HIBCH: variants seen among roughly 807,000 people sequenced by gnomAD.
HIBCH encodes the protein 3-hydroxyisobutyryl-CoA hydrolase, also known as 3-hydroxyisobutyryl-CoA hydrolase, mitochondrial.
HIBCH carries 50 observed loss-of-function variants against 58.2 expected under a neutral mutation model. The observed-to-expected ratio is 0.86, with a 90% CI of 0.68 to 1.09. The LOEUF is 1.09. Ranked by LOEUF, HIBCH falls within the 50% of genes least tolerant of loss-of-function variation. HIBCH has a pLI of 0.00. For missense variants in HIBCH, 450 were observed against 449.7 expected, an observed-to-expected ratio of 1.00 and a Z score of -0.01; for synonymous variants, 151 against 146.9, an observed-to-expected ratio of 1.03 and a Z score of -0.20.
At chr2:190,237,443 T>A (rs1010108841) in intron 11 of HIBCH, among the ~76,000 whole-genome samples, 3 of 152,220 alleles carry the variant, frequency 2.0e-5, no homozygotes, top group African/African-American at 4.8e-5. Flanking sequence ...ACAATAAGTT[T>A]ATTCAGTAAT....
In HIBCH at chr2:190,315,024, T is replaced by C. The variant is rs1688679853; in HGVS notation, c.36-4228A>G. On this transcript the variant is annotated intron_variant, in intron 1 of 13. Coordinates refer to ENST00000359678, the MANE Select transcript of HIBCH (RefSeq NM_014362.4). The surrounding 1 kb of genome is among the most constrained non-coding windows in gnomAD (Gnocchi z 5.4). ...GTGCAGTGGTGCAATCTCGGCTCAC[T>C]GCAGGCTCTGCCTTCCGGGTTCACG... Among the ~76,000 whole-genome samples the C allele has an allele frequency of 6.6e-6, 1 of 151,938 alleles. No homozygotes were observed. Among genetic ancestry groups the C allele is most frequent in the Non-Finnish European group, 1.5e-5 (1 of 67,978 alleles).
intron 2 of HIBCH, 147 bp from the exon 3 acceptor site, chr2:190,297,100 G>C: frequency 1.3e-6 from 1 of 747,008 alleles, no homozygotes; most frequent in Non-Finnish European, 2.2e-6. Flanking sequence ...AGTTTCTGAA[G>C]TTATTTAGAT....
chr2:190,291,070 G>A (rs1328748769), intron 4 of HIBCH, among the ~76,000 whole-genome samples: 1 of 152,066 alleles, frequency 6.6e-6, no homozygotes, highest in East Asian at 1.9e-4. Flanking sequence ...ATTTTCTCTA[G>A]CACTTAAATT....
In HIBCH at chr2:190,250,282, C is replaced by T. The variant is rs996833362; in HGVS notation, c.664-556G>A. ...CACCTTAAGGCCGGCTGTACTGCAACCTTCATAAAAAAGCTTCTAGTCCTT... is the reference window on the plus strand; with the variant it reads ...CACCTTAAGGCCGGCTGTACTGCAATCTTCATAAAAAAGCTTCTAGTCCTT... On this transcript the variant is annotated intron_variant, in intron 8 of 13. Transcript: ENST00000359678. 11 of 422,606 alleles carry T rather than the reference C, an allele frequency of 2.6e-5. No individual in the cohort carries two copies. In the Admixed American group the frequency reaches 3.2e-4, roughly 12 times the overall value. 26.2% of individuals were successfully genotyped at this position (422,606 alleles called of 1,614,324 possible).
At chr2:190,189,762 T>C (rs1211527869) in exon 2 of HIBCH, 1 of 152,226 alleles carries the variant, frequency 6.6e-6, no homozygotes, top group Non-Finnish European at 1.5e-5. Context: ...TTCTCATTTA[T>C]TGCCATCATT....
chr2:190,299,546 G>A lies in HIBCH; in HGVS notation c.79-2593C>T, dbSNP rs536759703. 1.8e-4 allele frequency among the ~76,000 whole-genome samples: 28 copies of A among 152,146 alleles called. No individual in the cohort carries two copies. In the South Asian group the frequency reaches 4.1e-3, roughly 23 times the overall value. On this transcript the variant is annotated intron_variant, in intron 2 of 13. Transcript: ENST00000359678. ...ATATCTGATATATTCTTGAGTATAA[G>A]TAAACAAACATACTGGGGAAGGATA...
At chr2:190,305,633 A>G (rs1688383571) in intron 2 of HIBCH, among the ~76,000 whole-genome samples, 1 of 152,174 alleles carries the variant, frequency 6.6e-6, no homozygotes, top group Non-Finnish European at 1.5e-5. Context: ...TTTGGGGGAC[A>G]CAATTCAATC....
At chr2:190,256,267 T>C (rs1335229661) in intron 7 of HIBCH, among the ~76,000 whole-genome samples, 1 of 151,662 alleles carries the variant, frequency 6.6e-6, no homozygotes, top group African/African-American at 2.4e-5. Flanking sequence ...TCACAGAAAA[T>C]GATTATAGAG....
Position 190,204,900 on chromosome 2 carries a change from G to A in HIBCH, c.*217C>T. 1 of 536,870 alleles carries A rather than the reference G, an allele frequency of 1.9e-6. No individual in the cohort carries two copies. The highest frequency in any genetic ancestry group is 3.3e-6 in the Non-Finnish European group (1 of 298,750). The allele number at this position is 536,870 out of a possible 1,614,324, so 33.3% of individuals were successfully genotyped here. A position where few individuals can be genotyped will look rare whatever the true frequency, so the allele number is the denominator to read the frequency against. ...AGCAGCCACAGATAATATATAAACAGATGAGTATAGCTAGTTCCAATAAAG... is the reference window on the plus strand; with the variant it reads ...AGCAGCCACAGATAATATATAAACAAATGAGTATAGCTAGTTCCAATAAAG... On this transcript the variant is annotated 3_prime_UTR_variant, in exon 14 of 14. Coordinates refer to ENST00000359678, the MANE Select transcript of HIBCH (RefSeq NM_014362.4).
chr2:190,199,908 TGAAG>T, downstream of HIBCH: 1 of 1,614,026 alleles, frequency 6.2e-7, no homozygotes. Context: ...CTACCATATA[TGAAG>T]GTGAGAAGCA....
intron 12 of HIBCH, 81 bp downstream of exon 12, chr2:190,212,875 C>A: frequency 8.0e-7 from 1 of 1,244,428 alleles, no homozygotes; most frequent in Non-Finnish European, 1.1e-6. Flanking sequence ...CTTGTTTGCA[C>A]TTAGTGTATT....
At chr2:190,303,687 C>T (rs1303897947) in intron 2 of HIBCH, among the ~76,000 whole-genome samples, 2 of 152,092 alleles carry the variant, frequency 1.3e-5, no homozygotes, top group African/African-American at 4.8e-5. Flanking sequence ...GAGCTTTGTC[C>T]CCTCACCTTT....
rs1393684319 is a variant in HIBCH at position 190,304,637 on chromosome 2, T to C, written c.78+6117A>G. On this transcript the variant is annotated intron_variant, in intron 2 of 13. Transcript: ENST00000359678. The surrounding 1 kb of genome is among the most constrained non-coding windows in gnomAD (Gnocchi z 4.1). ...AACCAATATTCTCAGTTTTGATAAGTGTACCATAGTAAGAATAGTAGGCAG... is the reference window on the plus strand; with the variant it reads ...AACCAATATTCTCAGTTTTGATAAGCGTACCATAGTAAGAATAGTAGGCAG... Among the ~76,000 whole-genome samples the C allele has an allele frequency of 1.3e-5, 2 of 152,222 alleles. No homozygotes were observed. The highest frequency in any genetic ancestry group is 2.9e-5 in the Non-Finnish European group (2 of 68,036).
chr2:190,258,187 C>G (rs1686982395), intron 7 of HIBCH, among the ~76,000 whole-genome samples: 1 of 152,178 alleles, frequency 6.6e-6, no homozygotes, highest in South Asian at 2.1e-4. Flanking sequence ...TCTCCCTTCA[C>G]TCTCCTGCCA....
At chr2:190,247,710 TATC>T (rs1243090135) in intron 9 of HIBCH, among the ~76,000 whole-genome samples, 1 of 152,204 alleles carries the variant, frequency 6.6e-6, no homozygotes, top group Non-Finnish European at 1.5e-5. Flanking sequence ...CAACTTTTGT[TATC>T]ATCTTTAAAA....
At position 190,211,717 on chromosome 2, in the gene HIBCH, C is replaced by T. The variant is rs1331036312; in HGVS notation, c.1011+1239G>A. 7.9e-5 allele frequency among the ~76,000 whole-genome samples: 12 copies of T among 152,122 alleles called. No homozygotes were observed. In the East Asian group the frequency reaches 2.3e-3, roughly 29 times the overall value. ...GTATGTTTTCCTTTAGAGTACTTATCACAATTTATAATTATTTTACTTATT... is the reference window on the plus strand; with the variant it reads ...GTATGTTTTCCTTTAGAGTACTTATTACAATTTATAATTATTTTACTTATT... On this transcript the variant is annotated intron_variant, in intron 12 of 13. Coordinates refer to ENST00000359678, the MANE Select transcript of HIBCH (RefSeq NM_014362.4). This position sits in a 1 kb window ranked among gnomAD's most constrained non-coding sequence, Gnocchi z 5.0.
intron 1 of HIBCH, among the ~76,000 whole-genome samples, chr2:190,314,302 T>C (rs1159325225): frequency 1.2e-3 from 14 of 11,650 alleles, no homozygotes; most frequent in Non-Finnish European, 4.4e-3. Flanking sequence ...TATATATACA[T>C]ATATATGTGT....
At position 190,209,165 on chromosome 2, in the gene HIBCH, C is replaced by G. The variant is rs970229828; in HGVS notation, c.1012-252G>C. Among the ~76,000 whole-genome samples, 1 of 152,314 alleles carries G rather than the reference C, an allele frequency of 6.6e-6. No individual in the cohort carries two copies. The highest frequency in any genetic ancestry group is 1.9e-4 in the East Asian group (1 of 5,192). On this transcript the variant is annotated intron_variant, in intron 12 of 13. Transcript: ENST00000359678. This position sits in a 1 kb window ranked among gnomAD's most constrained non-coding sequence, Gnocchi z 5.6. Reference sequence around the variant, plus strand: ...ACAGATCCTATGACTTTCTCCCCATCTGTGCTGGCTTCACTTTGCTCTTCA... The same window carrying G: ...ACAGATCCTATGACTTTCTCCCCATGTGTGCTGGCTTCACTTTGCTCTTCA...
chr2:190,191,885 G>A (rs189856886), intron 1 of HIBCH, among the ~76,000 whole-genome samples: 32 of 151,678 alleles, frequency 2.1e-4, no homozygotes, highest in Admixed American at 3.3e-4. Context: ...ATGATGACTT[G>A]CAAATATTTT....
Sources: gnomAD v4.1 joint callset for allele counts (sites outside exome capture counted in the v4.1 genomes callset) on GRCh38, gnomAD v4.1.1 for gene constraint, Gnocchi (gnomAD v3.1) non-coding constraint, MANE v1.5 for transcripts, NCBI Gene and HGNC (gene_info 2026-07-23, HGNC 2026-07-21) for gene names.